CRISP2: variants seen among roughly 807,000 people sequenced by gnomAD.
CRISP2 encodes cysteine rich secretory protein 2, also known as cysteine-rich secretory protein 2.
Under a neutral mutation model 31.7 loss-of-function variants are expected in CRISP2, and 29 were observed. That is an observed-to-expected ratio of 0.92 (90% CI 0.68 to 1.25). CRISP2 has a LOEUF of 1.25. CRISP2 is among the 50% of genes most tolerant of loss of function. The probability of loss-of-function intolerance (pLI) is 0.00; values close to 1 mark genes in which losing one functional copy is unlikely to be tolerated. For missense variants in CRISP2, 318 were observed against 286.5 expected, an observed-to-expected ratio of 1.11 and a Z score of -0.79; for synonymous variants, 111 against 101.4, an observed-to-expected ratio of 1.09 and a Z score of -0.57.
chr6:49,698,621 G>T, intron 6 of CRISP2, 114 bp from the exon 7 acceptor site: 1 of 1,053,570 alleles, frequency 9.5e-7, no homozygotes, highest in Non-Finnish European at 1.4e-6. Context: ...GATGCTAACT[G>T]TTGATTAATA....
the CRISP2 span, among the ~76,000 whole-genome samples, chr6:49,681,870 A>G: frequency 2.0e-5 from 3 of 152,016 alleles, no homozygotes; most frequent in African/African-American, 7.2e-5. Context: ...TATGTTAATC[A>G]ATATGTTGCT....
chr6:49,709,293 A>C (rs539175472), intron 3 of CRISP2, 88 bp from the exon 4 acceptor site: 8 of 1,096,808 alleles, frequency 7.3e-6, no homozygotes, highest in Non-Finnish European at 1.1e-5. Flanking sequence ...GATCTCGATT[A>C]TCTCAAAGGA....
chr6:49,688,929 C>T (rs1763967623), downstream of CRISP2, among the ~76,000 whole-genome samples: 1 of 151,874 alleles, frequency 6.6e-6, no homozygotes, highest in African/African-American at 2.4e-5. Flanking sequence ...AGTGCAATGG[C>T]GCCGTCTCAG....
intron 5 of CRISP2, 97 bp downstream of exon 5, chr6:49,700,571 T>C: frequency 1.3e-6 from 1 of 742,916 alleles, no homozygotes; most frequent in East Asian, 2.6e-5. Flanking sequence ...GAGACACAAC[T>C]TTGTAAACCA....
At chr6:49,695,348 A>G (rs1056733420) in intron 9 of CRISP2, among the ~76,000 whole-genome samples, 8 of 152,202 alleles carry the variant, frequency 5.3e-5, no homozygotes, top group African/African-American at 1.9e-4. Context: ...TAAGGCAAAC[A>G]CTATGATCCT....
intron 4 of CRISP2, among the ~76,000 whole-genome samples, chr6:49,701,870 A>T (rs1765957876): frequency 9.9e-6 from 1 of 101,052 alleles, no homozygotes; most frequent in Non-Finnish European, 1.8e-5. Flanking sequence ...ATTATTATAT[A>T]TTATGTATTA....
chr6:49,677,244 G>A, the CRISP2 span, among the ~76,000 whole-genome samples: 8 of 152,100 alleles, frequency 5.3e-5, no homozygotes, highest in South Asian at 2.1e-4. Flanking sequence ...ATTGTGATAC[G>A]TTCTTTCCAT....
intron 9 of CRISP2, 117 bp downstream of exon 9, chr6:49,695,719 T>C: frequency 3.5e-6 from 3 of 856,740 alleles, no homozygotes; most frequent in South Asian, 3.8e-5. Context: ...TAATTTTGGG[T>C]TTTTTCACCA....
Position 49,702,281 on chromosome 6 carries a change from G to A in CRISP2, c.67-1497C>T, listed in dbSNP as rs533273481. 2.0e-5 allele frequency among the ~76,000 whole-genome samples: 3 copies of A among 148,912 alleles called. No homozygotes were observed. The East Asian group carries it at 5.9e-4, about 29-fold the overall frequency. ...CTGCTATAAACATGCGTGTGCAAGT[G>A]TCTTTTTTTCATATAATGACTTCTT... is the stretch of plus-strand genomic sequence containing the variant. On this transcript the variant is annotated intron_variant, in intron 4 of 9. Coordinates refer to ENST00000339139, the MANE Select transcript of CRISP2 (RefSeq NM_003296.4).
chr6:49,697,768 A>G, intron 8 of CRISP2, 92 bp downstream of exon 8: 1 of 1,600,296 alleles, frequency 6.2e-7, no homozygotes, highest in South Asian at 1.1e-5. Context: ...TTTTATTGAG[A>G]TATGTTTTCA....
At chr6:49,713,242 A>G (rs1011879123) in intron 1 of CRISP2, among the ~76,000 whole-genome samples, 5 of 152,190 alleles carry the variant, frequency 3.3e-5, no homozygotes, top group African/African-American at 1.2e-4. Flanking sequence ...TAAGGTAGGT[A>G]AAGAGTTTCA....
the CRISP2 span, among the ~76,000 whole-genome samples, chr6:49,687,304 A>C: frequency 6.6e-6 from 1 of 152,232 alleles, no homozygotes; most frequent in Non-Finnish European, 1.5e-5. Context: ...ATGTTTTATT[A>C]ATGTATTAGC....
intron 4 of CRISP2, among the ~76,000 whole-genome samples, chr6:49,702,423 A>G (rs1457451867): frequency 1.3e-5 from 2 of 151,672 alleles, no homozygotes; most frequent in African/African-American, 4.8e-5. Flanking sequence ...TTACATTCCC[A>G]CCAGCAGTAC....
At chr6:49,711,421 A>G (rs1333700092) in intron 2 of CRISP2, 100 bp from the exon 3 acceptor site, 1 of 152,214 alleles carries the variant, frequency 6.6e-6, no homozygotes, top group African/African-American at 2.4e-5. Flanking sequence ...CTAAGTCAAC[A>G]AAGTTCTGAA....
Position 49,698,492 on chromosome 6 carries a change from T to C in CRISP2, c.287A>G (p.Glu96Gly), listed in dbSNP as rs1765143339. Residue 96 changes from glutamate to glycine, a missense_variant, in exon 7 of 10, where the codon GAG becomes GGG. Coordinates refer to ENST00000339139, the MANE Select transcript of CRISP2 (RefSeq NM_003296.4). ...EDRKTSTRCG[E>G]NLYMSSDPTS... Reference sequence around the variant, plus strand: ...AGGGTCACTTGACATATAGAGATTCTCACCACATCTTGTACCTAAGGGGCA... The same window carrying C: ...AGGGTCACTTGACATATAGAGATTCCCACCACATCTTGTACCTAAGGGGCA... The C allele has an allele frequency of 3.7e-6, 6 of 1,609,622 alleles. No homozygotes were observed. Among genetic ancestry groups the C allele is most frequent in the Non-Finnish European group, 5.1e-6 (6 of 1,178,610 alleles).
chr6:49,690,227 T>A (rs1764006953), downstream of CRISP2, among the ~76,000 whole-genome samples: 1 of 152,122 alleles, frequency 6.6e-6, no homozygotes, highest in African/African-American at 2.4e-5. Flanking sequence ...GCCTACCATA[T>A]GTACACCACA....
chr6:49,698,094 A>G (rs532456257), intron 7 of CRISP2, 137 bp from the exon 8 acceptor site: 40 of 743,796 alleles, frequency 5.4e-5, no homozygotes, highest in Middle Eastern at 8.0e-4. Flanking sequence ...TTATTGAACC[A>G]AAGTCATAAA....
the CRISP2 span, among the ~76,000 whole-genome samples, chr6:49,686,868 C>A: frequency 6.6e-6 from 1 of 152,136 alleles, no homozygotes. Context: ...GAATACTATG[C>A]AGCCATAAAA....
At chr6:49,709,467 A>G (rs1357562054) in intron 3 of CRISP2, among the ~76,000 whole-genome samples, 1 of 152,118 alleles carries the variant, frequency 6.6e-6, no homozygotes, top group Non-Finnish European at 1.5e-5. Context: ...AGAGAGACCT[A>G]CTCCCTTCTT....
Sources: gnomAD v4.1 joint callset for allele counts (sites outside exome capture counted in the v4.1 genomes callset) on GRCh38, gnomAD v4.1.1 for gene constraint, MANE v1.5 for transcripts, NCBI Gene and HGNC (gene_info 2026-07-23, HGNC 2026-07-21) for gene names.